The following LRRC7 variants were observed in gnomAD, a reference collection of about 807,000 sequenced individuals.
LRRC7 encodes the protein leucine-rich repeat-containing protein 7.
Under a neutral mutation model 175.7 loss-of-function variants are expected in LRRC7, and 23 were observed. That is an observed-to-expected ratio of 0.13 (90% CI 0.09 to 0.19). LRRC7 has a LOEUF of 0.19. Ranked by LOEUF, LRRC7 falls within the 10% of genes least tolerant of loss-of-function variation. LRRC7 has a pLI of 1.00. For synonymous variants in LRRC7, 685 were observed against 680.9 expected, an observed-to-expected ratio of 1.01 and a Z score of -0.09; for missense variants, 1,354 against 1,904.7, an observed-to-expected ratio of 0.71 and a Z score of 5.38.
chr1:70,062,179 T>C (rs1379475252), intron 23 of LRRC7, among the ~76,000 whole-genome samples: 2 of 152,176 alleles, frequency 1.3e-5, no homozygotes, highest in Non-Finnish European at 2.9e-5. Context: ...AATCTATGCC[T>C]GTATCCCTAC....
chr1:69,634,107 TGTC>T (rs1652956973), intron 1 of LRRC7, among the ~76,000 whole-genome samples: 2 of 152,124 alleles, frequency 1.3e-5, no homozygotes, highest in African/African-American at 4.8e-5. Flanking sequence ...ACTTACAATC[TGTC>T]ATGTGCTACT....
intron 23 of LRRC7, among the ~76,000 whole-genome samples, chr1:70,067,654 A>T (rs1334756874): frequency 6.6e-6 from 1 of 152,130 alleles, no homozygotes; most frequent in Non-Finnish European, 1.5e-5. Flanking sequence ...ATATGTATTT[A>T]GAGATAAATC....
At chr1:70,005,931 T>G (rs1369112432) in intron 11 of LRRC7, among the ~76,000 whole-genome samples, 1 of 151,864 alleles carries the variant, frequency 6.6e-6, no homozygotes, top group Non-Finnish European at 1.5e-5. Context: ...AACTTATTTT[T>G]ACTTTCCACA....
intron 23 of LRRC7, among the ~76,000 whole-genome samples, chr1:70,074,522 A>G (rs1276159358): frequency 6.6e-6 from 1 of 152,256 alleles, no homozygotes; most frequent in Non-Finnish European, 1.5e-5. Context: ...ATAGATCTGT[A>G]ATCACTGGAT....
intron 2 of LRRC7, among the ~76,000 whole-genome samples, chr1:69,710,688 C>A (rs1282923222): frequency 6.6e-6 from 1 of 152,230 alleles, no homozygotes; most frequent in Non-Finnish European, 1.5e-5. Flanking sequence ...ATCAGAAGCC[C>A]TTTATGAACC....
chr1:69,823,233 A>C (rs551387252), intron 4 of LRRC7, among the ~76,000 whole-genome samples: 1 of 152,236 alleles, frequency 6.6e-6, no homozygotes, highest in East Asian at 1.9e-4. Context: ...CGTATTTTCT[A>C]TCTTTTGTGT....
intron 1 of LRRC7, among the ~76,000 whole-genome samples, chr1:69,614,123 A>G (rs1649241240): frequency 6.6e-6 from 1 of 152,004 alleles, no homozygotes; most frequent in Non-Finnish European, 1.5e-5. Context: ...TTTTCATTTC[A>G]TGTTCATTAA....
intron 21 of LRRC7, among the ~76,000 whole-genome samples, chr1:70,043,627 A>G (rs748917754): frequency 6.6e-6 from 1 of 152,232 alleles, no homozygotes; most frequent in Non-Finnish European, 1.5e-5. Context: ...AAATGAATAG[A>G]CTACCACAGA....
intron 1 of LRRC7, among the ~76,000 whole-genome samples, chr1:69,573,328 A>G (rs1015439426): frequency 6.6e-6 from 1 of 152,130 alleles, no homozygotes; most frequent in Non-Finnish European, 1.5e-5. Context: ...AAATCTGTAG[A>G]TTATGGAAGT....
intron 23 of LRRC7, among the ~76,000 whole-genome samples, chr1:70,066,772 G>A (rs1229025635): frequency 6.6e-6 from 1 of 151,982 alleles, no homozygotes; most frequent in Non-Finnish European, 1.5e-5. Flanking sequence ...TGGATCATAT[G>A]GTACTTGCAT....
Position 69,847,322 on chromosome 1 carries a change from G to A in LRRC7, c.647+9039G>A, listed in dbSNP as rs556207897. Among the ~76,000 whole-genome samples the A allele has an allele frequency of 6.5e-4, 99 of 152,036 alleles. 1 individual carries two copies. Among genetic ancestry groups the A allele is most frequent in the African/African-American group, 2.1e-3 (89 of 41,502 alleles). ...ACTGACTTTTGTCTCAGTGTCTCAG[G>A]CCAGAAAATACACAAACAACCTAGT... On this transcript the variant is annotated intron_variant, in intron 7 of 26. Transcript: ENST00000651989.
chr1:69,963,031 G>A (rs1199378852), intron 8 of LRRC7, among the ~76,000 whole-genome samples: 2 of 151,936 alleles, frequency 1.3e-5, no homozygotes, highest in Non-Finnish European at 2.9e-5. Context: ...AGGGTCAGGC[G>A]CGGTGGCTCC....
chr1:70,101,498 A>G (rs1351949700), intron 25 of LRRC7, among the ~76,000 whole-genome samples: 1 of 152,174 alleles, frequency 6.6e-6, no homozygotes, highest in Admixed American at 6.5e-5. Flanking sequence ...TTAAAAAGCC[A>G]TATAAACTTC....
At chr1:69,610,805 C>T (rs954631956) in intron 1 of LRRC7, among the ~76,000 whole-genome samples, 1 of 151,852 alleles carries the variant, frequency 6.6e-6, no homozygotes, top group Non-Finnish European at 1.5e-5. Flanking sequence ...TACTTTTCTA[C>T]ACCAAATATT....
chr1:70,099,747 T>G (rs1664679414), intron 25 of LRRC7, among the ~76,000 whole-genome samples: 1 of 152,140 alleles, frequency 6.6e-6, no homozygotes, highest in Non-Finnish European at 1.5e-5. Context: ...CTCCTGTTTT[T>G]AATCATTTTT....
At chr1:70,029,927 G>T (rs17131132) in intron 18 of LRRC7, among the ~76,000 whole-genome samples, 32,820 of 152,008 alleles carry the variant, frequency 0.22, 3,599 homozygotes, top group African/African-American at 0.24. Flanking sequence ...ACTTGCTTTT[G>T]CTTTCATGTT....
chr1:69,949,537 A>G (rs1004296794), intron 8 of LRRC7, among the ~76,000 whole-genome samples: 6 of 151,782 alleles, frequency 4.0e-5, no homozygotes, highest in African/African-American at 1.2e-4. Flanking sequence ...AGTCTGGGTG[A>G]TAGAGCAAGA....
At chr1:69,619,835 A>G (rs1303414968) in intron 1 of LRRC7, among the ~76,000 whole-genome samples, 1 of 152,194 alleles carries the variant, frequency 6.6e-6, no homozygotes, top group Non-Finnish European at 1.5e-5. Context: ...AATATGTATA[A>G]CTCAGTGAAC....
intron 2 of LRRC7, among the ~76,000 whole-genome samples, chr1:69,756,331 A>AT (rs949298056): frequency 9.1e-4 from 138 of 151,936 alleles, no homozygotes; most frequent in African/African-American, 3.0e-3. Context: ...CAGAAAAATG[A>AT]TTTTTTTTAA....
Sources: gnomAD v4.1 joint callset for allele counts (sites outside exome capture counted in the v4.1 genomes callset) on GRCh38, gnomAD v4.1.1 for gene constraint, MANE v1.5 for transcripts, NCBI Gene and HGNC (gene_info 2026-07-23, HGNC 2026-07-21) for gene names.